KSR2: variants seen among roughly 807,000 people sequenced by gnomAD.
KSR2 encodes kinase suppressor of ras 2.
Under a neutral mutation model 107.8 loss-of-function variants are expected in KSR2, and 25 were observed. That is an observed-to-expected ratio of 0.23 (90% CI 0.17 to 0.32). KSR2 has a LOEUF of 0.32. KSR2 is among the 10% of genes least tolerant of loss of function. The pLI is 1.00. For synonymous variants in KSR2, 480 were observed against 507.0 expected, an observed-to-expected ratio of 0.95 and a Z score of 0.71; for missense variants, 887 against 1,268.9, an observed-to-expected ratio of 0.70 and a Z score of 4.57.
At chr12:117,756,425 T>C (rs182558849) in intron 4 of KSR2, among the ~76,000 whole-genome samples, 5 of 152,366 alleles carry the variant, frequency 3.3e-5, no homozygotes, top group South Asian at 2.1e-4. Context: ...CCGTACTTTA[T>C]AAATGGAACA....
intron 1 of KSR2, among the ~76,000 whole-genome samples, chr12:117,906,109 G>A (rs1419500628): frequency 1.3e-5 from 2 of 152,102 alleles, no homozygotes; most frequent in African/African-American, 2.4e-5. Flanking sequence ...CCAGCACTTC[G>A]GGAGGCCGAG....
intron 1 of KSR2, among the ~76,000 whole-genome samples, chr12:117,947,182 G>GA (rs1451651815): frequency 0.01 from 1,091 of 107,934 alleles, 13 homozygotes; most frequent in Middle Eastern, 0.023. Context: ...AAGAAAGAAA[G>GA]AAAGAAAAGA....
At chr12:117,471,542 A>C (rs1321723182) in intron 17 of KSR2, among the ~76,000 whole-genome samples, 1 of 152,210 alleles carries the variant, frequency 6.6e-6, no homozygotes, top group African/African-American at 2.4e-5. Flanking sequence ...TGAATAGTTA[A>C]ATATAATGTG....
intron 16 of KSR2, among the ~76,000 whole-genome samples, chr12:117,483,846 C>T (rs543729384): frequency 2.0e-5 from 3 of 152,310 alleles, no homozygotes; most frequent in Non-Finnish European, 4.4e-5. Flanking sequence ...ATGCTTGATG[C>T]GTGTTCTCAT....
chr12:117,929,169 T>C (rs530848676), intron 1 of KSR2, among the ~76,000 whole-genome samples: 1 of 152,210 alleles, frequency 6.6e-6, no homozygotes, highest in Non-Finnish European at 1.5e-5. Flanking sequence ...TTTGTAGGAA[T>C]ATACTCTAGG....
intron 4 of KSR2, among the ~76,000 whole-genome samples, chr12:117,707,435 G>T (rs937165848): frequency 6.6e-6 from 1 of 152,144 alleles, no homozygotes; most frequent in African/African-American, 2.4e-5. Flanking sequence ...GTTTTAAAAA[G>T]AATAGAATAA....
intron 14 of KSR2, among the ~76,000 whole-genome samples, chr12:117,499,341 G>A (rs1873233362): frequency 6.6e-6 from 1 of 152,052 alleles, no homozygotes; most frequent in Non-Finnish European, 1.5e-5. Flanking sequence ...TTTTCCCCTT[G>A]CTGCTTATCT....
At chr12:117,944,915 G>C (rs1896130711) in intron 1 of KSR2, among the ~76,000 whole-genome samples, 1 of 151,922 alleles carries the variant, frequency 6.6e-6, no homozygotes, top group African/African-American at 2.4e-5. Flanking sequence ...AAAATCTGGA[G>C]TGACCATATT....
intron 7 of KSR2, among the ~76,000 whole-genome samples, chr12:117,572,572 C>T (rs1878961702): frequency 6.6e-6 from 1 of 151,792 alleles, no homozygotes. Context: ...GCTGAACTAA[C>T]CAGAACCAAA....
chr12:117,827,938 T>A (rs534972489), intron 3 of KSR2, among the ~76,000 whole-genome samples: 3 of 152,348 alleles, frequency 2.0e-5, no homozygotes, highest in Non-Finnish European at 1.5e-5. Flanking sequence ...TTCTTATGTA[T>A]GACCCTTCCA....
intron 1 of KSR2, among the ~76,000 whole-genome samples, chr12:117,874,353 T>C (rs929970025): frequency 5.3e-5 from 8 of 151,994 alleles, no homozygotes; most frequent in African/African-American, 1.9e-4. Context: ...CCACCTCAGC[T>C]TCCCAAGTAG....
At chr12:117,775,846 G>A (rs1889667226) in intron 3 of KSR2, among the ~76,000 whole-genome samples, 1 of 152,134 alleles carries the variant, frequency 6.6e-6, no homozygotes, top group African/African-American at 2.4e-5. Flanking sequence ...ATAGAAAACT[G>A]AACATCATAT....
intron 14 of KSR2, among the ~76,000 whole-genome samples, chr12:117,510,649 G>A (rs1432833526): frequency 6.6e-6 from 1 of 152,194 alleles, no homozygotes; most frequent in African/African-American, 2.4e-5. Context: ...GGCCAAGGCA[G>A]GTAGGTTGCT....
intron 1 of KSR2, among the ~76,000 whole-genome samples, chr12:117,941,719 C>T (rs1316558055): frequency 7.0e-6 from 1 of 142,272 alleles, no homozygotes; most frequent in Admixed American, 7.5e-5. Context: ...CTCCGCCTCC[C>T]TGATTCAAAT....
At chr12:117,539,412 T>C in intron 10 of KSR2, 1 of 337,678 alleles carries the variant, frequency 3.0e-6, no homozygotes, top group Non-Finnish European at 5.3e-6. Context: ...CCCTGGGTTG[T>C]AGCTCGCCAA....
chr12:117,764,864 T>C (rs988913387), intron 3 of KSR2, among the ~76,000 whole-genome samples: 1 of 152,032 alleles, frequency 6.6e-6, no homozygotes, highest in African/African-American at 2.4e-5. Context: ...TAATAAACAA[T>C]AATAAAACCT....
At chr12:117,724,530 T>C (rs1887337775) in intron 4 of KSR2, among the ~76,000 whole-genome samples, 1 of 152,068 alleles carries the variant, frequency 6.6e-6, no homozygotes, top group Non-Finnish European at 1.5e-5. Context: ...TTGCTGCTGG[T>C]AGCCACACAA....
intron 1 of KSR2, among the ~76,000 whole-genome samples, chr12:117,964,013 G>A (rs908214022): frequency 2.0e-5 from 3 of 152,210 alleles, no homozygotes; most frequent in Non-Finnish European, 4.4e-5. Context: ...TGGGCCGGGT[G>A]CAGTGGCTCA....
intron 17 of KSR2, among the ~76,000 whole-genome samples, chr12:117,473,831 T>A (rs1871620236): frequency 6.6e-6 from 1 of 152,158 alleles, no homozygotes; most frequent in South Asian, 2.1e-4. Context: ...TCCAGGTGAA[T>A]CTCAGCACCA....
Sources: allele counts gnomAD v4.1 joint callset (sites outside exome capture counted in the v4.1 genomes callset), GRCh38; gene constraint gnomAD v4.1.1; transcripts MANE v1.5; gene names NCBI Gene and HGNC (gene_info 2026-07-23, HGNC 2026-07-21).